Variants in C16orf95 observed in about 807,000 individuals in gnomAD.
The protein encoded by C16orf95 is uncharacterized protein C16orf95.
In C16orf95, 41 loss-of-function variants were observed where a neutral mutation model predicts 32.1. That is an observed-to-expected ratio of 1.28 (90% CI 1.00 to 1.66). C16orf95 has a LOEUF of 1.66. C16orf95 is among the 40% of genes most tolerant of loss of function. The probability of loss-of-function intolerance (pLI) is 0.00; values close to 1 mark genes in which losing one functional copy is unlikely to be tolerated. For missense variants in C16orf95, 399 were observed against 325.9 expected, an observed-to-expected ratio of 1.22 and a Z score of -1.73; for synonymous variants, 147 against 128.9, an observed-to-expected ratio of 1.14 and a Z score of -0.95.
chr16:87,307,212 A>T (rs1261255667), intron 5 of C16orf95, among the ~76,000 whole-genome samples: 1 of 152,186 alleles, frequency 6.6e-6, no homozygotes, highest in African/African-American at 2.4e-5. Flanking sequence ...AAACACAGAC[A>T]CGGCAGCCCT....
chr16:87,315,999 G>A lies in C16orf95; in HGVS notation c.153-176C>T, dbSNP rs138465325. Among the ~76,000 whole-genome samples the A allele has an allele frequency of 1.4e-3, 206 of 152,284 alleles. 2 individuals carry two copies. The highest frequency in any genetic ancestry group is 7.5e-3 in the South Asian group (36 of 4,822). On this transcript the variant is annotated intron_variant, in intron 1 of 6. Coordinates refer to ENST00000567970, the MANE Select transcript of C16orf95 (RefSeq NM_001195124.3). Reference sequence around the variant, plus strand: ...AGTGAGAGGGTGACATCAGAAGCAGGCGTGTGCTAGCTCATGCGTGAATGT... The same window carrying A: ...AGTGAGAGGGTGACATCAGAAGCAGACGTGTGCTAGCTCATGCGTGAATGT...
chr16:87,303,940 A>T (rs1456693357), intron 6 of C16orf95, among the ~76,000 whole-genome samples: 1 of 152,112 alleles, frequency 6.6e-6, no homozygotes, highest in African/African-American at 2.4e-5. Context: ...CTTACCAAGT[A>T]ATTTGAGCCT....
At position 87,311,269 on chromosome 16, in the gene C16orf95, G is replaced by A. The variant is rs1256610802; in HGVS notation, c.358C>T (p.Pro120Ser). The A allele has an allele frequency of 2.6e-6, 4 of 1,535,190 alleles. No individual in the cohort carries two copies. Among genetic ancestry groups the A allele is most frequent in the Middle Eastern group, 1.7e-4 (1 of 5,982 alleles). ...QSQKTVQFPI[P>S]QTAKMCPCLC... ...CAGGGGCACATCTTGGCGGTTTGGGGGATAGGAAATTGAACCGTCTTTTGA... is the reference window on the plus strand; with the variant it reads ...CAGGGGCACATCTTGGCGGTTTGGGAGATAGGAAATTGAACCGTCTTTTGA... Residue 120 changes from proline to serine, a missense_variant, in exon 4 of 7, where the codon CCC becomes TCC. Physicochemically the swap from Pro to Ser is moderately conservative, Grantham distance 74. Coordinates refer to ENST00000567970, the MANE Select transcript of C16orf95 (RefSeq NM_001195124.3).
chr16:87,303,259 A>G, intron 6 of C16orf95, 184 bp from the exon 7 acceptor site: 1 of 587,086 alleles, frequency 1.7e-6, no homozygotes, highest in South Asian at 2.1e-5. Flanking sequence ...TCCTGGCCAT[A>G]TCGCTTTCCA....
chr16:87,304,611 C>T (rs776121106), intron 6 of C16orf95, among the ~76,000 whole-genome samples: 5 of 152,210 alleles, frequency 3.3e-5, no homozygotes, highest in Non-Finnish European at 7.3e-5. Context: ...GCTCCTGGCC[C>T]CCTTCCCAGT....
intron 6 of C16orf95, among the ~76,000 whole-genome samples, chr16:87,304,644 C>A (rs1910930537): frequency 6.6e-6 from 1 of 152,210 alleles, no homozygotes; most frequent in South Asian, 2.1e-4. Context: ...GAGGCTGGCG[C>A]CCAGGCCCAC....
At chr16:87,306,054 A>G (rs180785737) in intron 5 of C16orf95, 149 bp from the exon 6 acceptor site, 1 of 514,472 alleles carries the variant, frequency 1.9e-6, no homozygotes, top group Non-Finnish European at 3.2e-6. Context: ...ACTGACCCGG[A>G]GCTCACGAGA....
Position 87,311,385 on chromosome 16 carries a change from G to T in C16orf95, c.331-89C>A, listed in dbSNP as rs550849837. ...TCCCTGATGGAGCCATCCCCCAGAA[G>T]ATCCCCTGGCTGGGTCTTAGTATCA... On this transcript the variant is annotated intron_variant, in intron 3 of 6. Transcript: ENST00000567970. The T allele has an allele frequency of 1.4e-5, 19 of 1,355,972 alleles. No homozygotes were observed. The African/African-American group carries it at 2.5e-4, about 18-fold the overall frequency. 84.0% of individuals were successfully genotyped at this position (1,355,972 alleles called of 1,614,324 possible).
chr16:87,317,266 C>CGAGAT lies in C16orf95; in HGVS notation c.-25_-24insATCTC. 6.7e-7 allele frequency: 1 copy of CGAGAT among 1,502,888 alleles called. No homozygotes were observed. Among genetic ancestry groups the CGAGAT allele is most frequent in the Non-Finnish European group, 8.9e-7 (1 of 1,127,710 alleles). 93.1% of individuals were successfully genotyped at this position (1,502,888 alleles called of 1,614,324 possible). On this transcript the variant is annotated 5_prime_UTR_variant, in exon 1 of 7. Coordinates refer to ENST00000567970, the MANE Select transcript of C16orf95 (RefSeq NM_001195124.3). ...ATATGGCTTCTTATGGCTGACGCGC[C>CGAGAT]CTTTCACACACACATCGTCCGCAGG...
chr16:87,317,175 G>A lies in C16orf95; in HGVS notation c.68C>T (p.Ala23Val). Residue 23 changes from alanine (A) to valine (V), a missense_variant, in exon 1 of 7, where the codon GCC becomes GTC. By Grantham distance (64) the Ala-to-Val change is moderately conservative (BLOSUM62 0). Coordinates refer to ENST00000567970, the MANE Select transcript of C16orf95 (RefSeq NM_001195124.3). ...CHHHHEATGAASGAAAGGPGA... is the reference protein window; with the variant it reads ...CHHHHEATGAVSGAAAGGPGA... ...CGGCCCCCCGGCAGCAGCGCCTGAG[G>A]CTGCTCCAGTGGCCTCATGATGATG... 6.5e-7 allele frequency: 1 copy of A among 1,530,384 alleles called. No homozygotes were observed. The highest frequency in any genetic ancestry group is 8.7e-7 in the Non-Finnish European group (1 of 1,144,528). 94.8% of individuals were successfully genotyped at this position (1,530,384 alleles called of 1,614,324 possible).
At chr16:87,310,233 A>T in intron 5 of C16orf95, 64 bp downstream of exon 5, 1 of 1,483,202 alleles carries the variant, frequency 6.7e-7, no homozygotes, top group African/African-American at 1.4e-5. Context: ...CACCATCATG[A>T]TGCTCACGAA....
chr16:87,305,915 G>A lies in C16orf95; in HGVS notation c.515-10C>T. On this transcript the variant is annotated splice_polypyrimidine_tract_variant and intron_variant, in intron 5 of 6. Coordinates refer to ENST00000567970, the MANE Select transcript of C16orf95 (RefSeq NM_001195124.3). The surrounding 1 kb of genome is among the most constrained non-coding windows in gnomAD (Gnocchi z 4.2). ...GCATCCAGCAGGGGTGCTAGGCAAA[G>A]AAAAGGTGGGTTGAGGACAGGGCGT... The A allele has an allele frequency of 7.1e-7, 1 of 1,410,010 alleles. No homozygotes were observed. The highest frequency in any genetic ancestry group is 1.5e-5 in the African/African-American group (1 of 66,704). 87.3% of individuals were successfully genotyped at this position (1,410,010 alleles called of 1,614,324 possible).
chr16:87,314,843 A>G, intron 3 of C16orf95, 128 bp downstream of exon 3: 1 of 891,642 alleles, frequency 1.1e-6, no homozygotes, highest in Non-Finnish European at 1.6e-6. Context: ...ATAAATAAAT[A>G]ATATCAAACT....
intron 5 of C16orf95, among the ~76,000 whole-genome samples, chr16:87,308,575 A>G (rs1318739020): frequency 1.3e-5 from 2 of 152,156 alleles, no homozygotes; most frequent in East Asian, 3.8e-4. Flanking sequence ...AAATGCCTTG[A>G]GCATCCCAAA....
At chr16:87,315,710 C>G in intron 2 of C16orf95, 62 bp downstream of exon 2, 1 of 1,292,012 alleles carries the variant, frequency 7.7e-7, no homozygotes, top group Non-Finnish European at 1.0e-6. Flanking sequence ...ATTCCCTGCT[C>G]TCCTCACCCC....
At chr16:87,311,062 C>T (rs899306453) in intron 4 of C16orf95, 88 bp downstream of exon 4, 2 of 1,251,108 alleles carry the variant, frequency 1.6e-6, no homozygotes, top group Non-Finnish European at 2.1e-6. Flanking sequence ...GCCCAGGTAC[C>T]CCTCTTCCCC....
Position 87,305,689 on chromosome 16 carries a change from C to A in C16orf95, c.701+30G>T. 2 of 1,470,088 alleles carry A rather than the reference C, an allele frequency of 1.4e-6. No homozygotes were observed. The highest frequency in any genetic ancestry group is 2.7e-5 in the South Asian group (2 of 74,968). The allele number at this position is 1,470,088 out of a possible 1,614,324, so 91.1% of individuals were successfully genotyped here. ...GGTGGACGTCACCATGCCAGGGCCA[C>A]CCACTGTCCCCCATCCCCCACCTGC... On this transcript the variant is annotated intron_variant, in intron 6 of 6. Coordinates refer to ENST00000567970, the MANE Select transcript of C16orf95 (RefSeq NM_001195124.3). The surrounding 1 kb of genome is among the most constrained non-coding windows in gnomAD (Gnocchi z 4.2).
intron 4 of C16orf95, 112 bp from the exon 5 acceptor site, chr16:87,310,445 A>C (rs1911229774): frequency 9.6e-7 from 1 of 1,042,572 alleles, no homozygotes; most frequent in Admixed American, 2.1e-5. Flanking sequence ...TCAAGATAAA[A>C]GCCAAGGGCT....
At position 87,310,309 on chromosome 16, in the gene C16orf95, T is replaced by C. The variant is rs1372168505; in HGVS notation, c.502A>G (p.Lys168Glu). 2 of 1,536,130 alleles carry C rather than the reference T, an allele frequency of 1.3e-6. No individual in the cohort carries two copies. Among genetic ancestry groups the C allele is most frequent in the African/African-American group, 1.4e-5 (1 of 73,160 alleles). ...QQIVRRQQSL[K>E]GIQAPLLDAC... is the part of the protein sequence containing the mutation. ...ACACTGGAGTTACCTTGGATGCCTTTCAAACTCTGCTGCCTCCTGACTATC... is the reference window on the plus strand; with the variant it reads ...ACACTGGAGTTACCTTGGATGCCTTCCAAACTCTGCTGCCTCCTGACTATC... The change falls in exon 5 of 7, where the codon AAA becomes GAA. Residue 168 changes from lysine to glutamate, a missense_variant. Coordinates refer to ENST00000567970, the MANE Select transcript of C16orf95 (RefSeq NM_001195124.3).
Sources: allele counts gnomAD v4.1 joint callset (sites outside exome capture counted in the v4.1 genomes callset), GRCh38; gene constraint gnomAD v4.1.1; non-coding constraint Gnocchi (gnomAD v3.1); transcripts MANE v1.5; gene names NCBI Gene and HGNC (gene_info 2026-07-23, HGNC 2026-07-21).